Variants in RAI1 observed in about 807,000 individuals in gnomAD.
RAI1 encodes retinoic acid induced 1.
In RAI1, 9 loss-of-function variants were observed where a neutral mutation model predicts 123.8. The ratio of observed to expected loss-of-function variants is 0.07; its 90% CI spans 0.04 to 0.13. The LOEUF (loss-of-function observed/expected upper bound fraction) is 0.13, where lower values mean the gene tolerates loss of function less well. Ranked by LOEUF, RAI1 falls within the 10% of genes least tolerant of loss-of-function variation. The pLI, the probability that RAI1 is intolerant of heterozygous loss-of-function variation, is 1.00. For missense variants in RAI1, 2,256 were observed against 2,545.8 expected (o/e 0.89, Z 2.45); for synonymous variants, 1,231 against 1,127.3 (o/e 1.09, Z -1.84).
At chr17:17,703,304 C>T (rs1915289663) in intron 1 of RAI1, among the ~76,000 whole-genome samples, 2 of 152,266 alleles carry the variant, frequency 1.3e-5, no homozygotes, top group South Asian at 2.1e-4. Flanking sequence ...GCCAGGCTGA[C>T]GTAGGAAGGC....
chr17:17,743,567 C>T (rs1484309323), intron 2 of RAI1, among the ~76,000 whole-genome samples: 3 of 152,224 alleles, frequency 2.0e-5, no homozygotes, highest in African/African-American at 7.2e-5. Flanking sequence ...CTGGTGTATG[C>T]CACTGGAAAC....
chr17:17,695,042 A>T (rs1157720122), intron 1 of RAI1, among the ~76,000 whole-genome samples: 1 of 151,946 alleles, frequency 6.6e-6, no homozygotes, highest in Non-Finnish European at 1.5e-5. Context: ...CTGCTTACCG[A>T]GCCCGGCAAC....
At chr17:17,808,422 ATTTTATTTTATT>A (rs1567940421) in intron 4 of RAI1, among the ~76,000 whole-genome samples, 12 of 114,172 alleles carry the variant, frequency 1.1e-4, no homozygotes, top group South Asian at 8.9e-4. Context: ...TTATTATTTT[ATTTTATTTTATT>A]TTATTTTATT....
chr17:17,774,823 G>A (rs2031280086), intron 2 of RAI1, among the ~76,000 whole-genome samples: 1 of 152,166 alleles, frequency 6.6e-6, no homozygotes, highest in South Asian at 2.1e-4. Flanking sequence ...TGGCATCTGC[G>A]CACCATCGTC....
chr17:17,765,348 G>A (rs2030882296), intron 2 of RAI1, among the ~76,000 whole-genome samples: 1 of 152,224 alleles, frequency 6.6e-6, no homozygotes, highest in Non-Finnish European at 1.5e-5. Context: ...AGGTGGAGGG[G>A]AAGGTATGTG....
chr17:17,741,332 A>G (rs748596086), intron 2 of RAI1, among the ~76,000 whole-genome samples: 4 of 152,168 alleles, frequency 2.6e-5, no homozygotes, highest in Non-Finnish European at 5.9e-5. Flanking sequence ...ACCAGCTCCT[A>G]ATGACTCGCA....
chr17:17,721,758 C>T (rs1915889788), intron 1 of RAI1, among the ~76,000 whole-genome samples: 1 of 152,184 alleles, frequency 6.6e-6, no homozygotes, highest in African/African-American at 2.4e-5. Flanking sequence ...TGACCCTGGT[C>T]CCCAAGACAG....
chr17:17,749,991 GGTGA>G (rs1458109631), intron 2 of RAI1, among the ~76,000 whole-genome samples: 20 of 152,254 alleles, frequency 1.3e-4, no homozygotes, highest in Middle Eastern at 3.2e-3. Context: ...TCCGGAGGAT[GGTGA>G]GTATTTCTGG....
At chr17:17,804,008 C>G in intron 4 of RAI1, 159 bp downstream of exon 4, 1 of 788,300 alleles carries the variant, frequency 1.3e-6, no homozygotes, top group Non-Finnish European at 2.2e-6. Flanking sequence ...TCTGCCTAGA[C>G]CTCTGCTGGG....
At chr17:17,682,927 G>A (rs1169980102) in intron 1 of RAI1, among the ~76,000 whole-genome samples, 1 of 152,034 alleles carries the variant, frequency 6.6e-6, no homozygotes, top group Non-Finnish European at 1.5e-5. Context: ...GGGGAGGGGA[G>A]GCCGCGCGCC....
Position 17,794,568 on chromosome 17 carries a change from C to T in RAI1, c.1620C>T (p.Ala540=). Residue 540 remains alanine, a synonymous_variant, in exon 3 of 6, where the codon GCC becomes GCT. Transcript: ENST00000353383. Reference sequence around the variant, plus strand: ...GCAACCAGGCCCGTGGCAGCCCTGCCAGGGTCAACAGCAACTCGAAGGCCA... The same window carrying T: ...GCAACCAGGCCCGTGGCAGCCCTGCTAGGGTCAACAGCAACTCGAAGGCCA... ...LYCNQARGSP[A]RVNSNSKAKP... 1.2e-6 allele frequency: 2 copies of T among 1,613,234 alleles called. No individual in the cohort carries two copies. Among genetic ancestry groups the T allele is most frequent in the Non-Finnish European group, 1.7e-6 (2 of 1,180,042 alleles).
chr17:17,791,473 C>A (rs576628569), intron 2 of RAI1, among the ~76,000 whole-genome samples: 1 of 152,132 alleles, frequency 6.6e-6, no homozygotes, highest in African/African-American at 2.4e-5. Flanking sequence ...GTGCCCCTCT[C>A]CCCCTCTCTT....
intron 1 of RAI1, among the ~76,000 whole-genome samples, chr17:17,721,364 A>T (rs1212193807): frequency 6.6e-6 from 1 of 152,230 alleles, no homozygotes; most frequent in Non-Finnish European, 1.5e-5. Flanking sequence ...AGGAACAAAC[A>T]GACAAAAATA....
rs1384429773 is a variant in RAI1 at position 17,796,783 on chromosome 17, G to A, written c.3835G>A (p.Ala1279Thr). Residue 1279 changes from alanine (A) to threonine (T), a missense_variant, in exon 3 of 6, where the codon GCC becomes ACC. Transcript: ENST00000353383. The surrounding 1 kb of genome is among the most constrained non-coding windows in gnomAD (Gnocchi z 5.8). The part of the protein sequence containing the change: ...LFKRMSSPKK[A>T]KPTKGNGEPA... ...CAAGAGGATGTCTTCTCCCAAGAAA[G>A]CCAAGCCCACCAAGGGCAATGGCGA... 6.2e-7 allele frequency: 1 copy of A among 1,612,956 alleles called. No individual in the cohort carries two copies. The highest frequency in any genetic ancestry group is 8.5e-7 in the Non-Finnish European group (1 of 1,179,688).
intron 2 of RAI1, among the ~76,000 whole-genome samples, chr17:17,791,143 C>G (rs1240143410): frequency 6.6e-6 from 1 of 152,202 alleles, no homozygotes; most frequent in African/African-American, 2.4e-5. Flanking sequence ...GTGGCCGGCC[C>G]CCACACTGGG....
intron 2 of RAI1, chr17:17,765,930 G>A (rs1441077868): frequency 6.6e-6 from 1 of 152,242 alleles, no homozygotes; most frequent in African/African-American, 2.4e-5. Flanking sequence ...TAGAAGACAG[G>A]GCTTCTTGGG....
intron 2 of RAI1, among the ~76,000 whole-genome samples, 174 bp downstream of exon 2, chr17:17,724,333 C>G (rs928122922): frequency 6.7e-6 from 1 of 148,444 alleles, no homozygotes; most frequent in African/African-American, 2.5e-5. Context: ...GCTGGAGTTG[C>G]GGATTTGCAT....
In RAI1 at chr17:17,797,881, G is replaced by T; in HGVS notation, c.4933G>T (p.Ala1645Ser). The change falls in exon 3 of 6, where the codon GCC becomes TCC. Residue 1645 changes from alanine (A) to serine (S), a missense_variant. Around this residue, in one of 7 missense-constraint regions of RAI1, gnomAD observed 410 missense variants for 374.6 expected, o/e 1.09. Transcript: ENST00000353383. Reference protein sequence around the residue: ...SSSSSFSLDAAGASLATLPGG... With the variant: ...SSSSSFSLDASGASLATLPGG... ...CTCGTCCTCGTTCTCCTTGGATGCA[G>T]CCGGGGCCTCCCTGGCCACACTCCC... The T allele has an allele frequency of 6.2e-7, 1 of 1,613,948 alleles. No homozygotes were observed. Among genetic ancestry groups the T allele is most frequent in the Non-Finnish European group, 8.5e-7 (1 of 1,180,010 alleles).
chr17:17,781,488 G>A (rs992743016), intron 2 of RAI1, among the ~76,000 whole-genome samples: 10 of 152,312 alleles, frequency 6.6e-5, no homozygotes, highest in African/African-American at 2.2e-4. Context: ...CAGAGTAATG[G>A]GAGCCTACTT....
Sources: allele counts gnomAD v4.1 joint callset (sites outside exome capture counted in the v4.1 genomes callset), GRCh38; gene constraint gnomAD v4.1.1; regional missense constraint gnomAD v4.1.1; non-coding constraint Gnocchi (gnomAD v3.1); transcripts MANE v1.5; gene names NCBI Gene and HGNC (gene_info 2026-07-23, HGNC 2026-07-21).